Variants in NEGR1 observed in about 807,000 individuals in gnomAD.
The protein encoded by NEGR1 is IgLON family member 4.
NEGR1 carries 10 observed loss-of-function variants against 40.9 expected under a neutral mutation model. That is an observed-to-expected ratio of 0.24 (90% confidence interval 0.15 to 0.42). The LOEUF is 0.42. NEGR1 is among the 10% of genes least tolerant of loss of function. NEGR1 has a pLI of 1.00. For missense variants in NEGR1, 352 were observed against 438.9 expected (o/e 0.80, Z 1.77); for synonymous variants, 185 against 166.8 (o/e 1.11, Z -0.84).
Position 71,935,075 on chromosome 1 carries a change from A to G in NEGR1, c.409+4T>C. The G allele has an allele frequency of 1.9e-6, 3 of 1,565,176 alleles. No homozygotes were observed. Among genetic ancestry groups the G allele is most frequent in the South Asian group, 2.2e-5 (2 of 89,988 alleles). On this transcript the variant is annotated splice_donor_region_variant and intron_variant, in intron 2 of 6. Coordinates refer to ENST00000357731, the MANE Select transcript of NEGR1 (RefSeq NM_173808.3). ...CACAATATAGCAGTTCTGAAAATACATACCTTGCACAGTTAGATGCACCTG... is the reference window on the plus strand; with the variant it reads ...CACAATATAGCAGTTCTGAAAATACGTACCTTGCACAGTTAGATGCACCTG...
intron 4 of NEGR1, among the ~76,000 whole-genome samples, chr1:71,680,528 T>C (rs979253760): frequency 2.6e-5 from 4 of 152,118 alleles, no homozygotes; most frequent in African/African-American, 4.8e-5. Flanking sequence ...CCTCAGAAGT[T>C]TGTCCAATCT....
chr1:71,990,263 C>T (rs981884565), intron 1 of NEGR1, among the ~76,000 whole-genome samples: 15 of 152,138 alleles, frequency 9.9e-5, no homozygotes, highest in African/African-American at 1.7e-4. Context: ...CTCCCCAGAA[C>T]GCTTCAAGTT....
chr1:71,749,155 T>C (rs1185277044), intron 3 of NEGR1, among the ~76,000 whole-genome samples: 1 of 152,202 alleles, frequency 6.6e-6, no homozygotes, highest in African/African-American at 2.4e-5. Flanking sequence ...AATGTTCTGA[T>C]GCAATATGGA....
chr1:71,973,641 C>A (rs1188515402), intron 1 of NEGR1, among the ~76,000 whole-genome samples: 1 of 152,128 alleles, frequency 6.6e-6, no homozygotes, highest in Non-Finnish European at 1.5e-5. Context: ...AAAATTATAT[C>A]ATCTCTTTTT....
intron 2 of NEGR1, among the ~76,000 whole-genome samples, chr1:71,845,552 A>G (rs908111576): frequency 3.3e-5 from 5 of 152,156 alleles, no homozygotes; most frequent in Admixed American, 3.3e-4. Flanking sequence ...TTTATTGAGC[A>G]CTGACTATCA....
intron 1 of NEGR1, among the ~76,000 whole-genome samples, chr1:72,085,807 T>C (rs561488235): frequency 1.3e-5 from 2 of 151,678 alleles, no homozygotes; most frequent in African/African-American, 4.8e-5. Flanking sequence ...CTGTCTCTAC[T>C]AAAAATATAA....
At chr1:71,771,716 A>AAAAAT (rs1656333065) in intron 3 of NEGR1, among the ~76,000 whole-genome samples, 1 of 149,950 alleles carries the variant, frequency 6.7e-6, no homozygotes, top group Non-Finnish European at 1.5e-5. Context: ...AAAAAAAAAA[A>AAAAAT]AAAAAAGGTG....
At chr1:71,721,260 T>C (rs1283521900) in intron 3 of NEGR1, among the ~76,000 whole-genome samples, 1 of 152,148 alleles carries the variant, frequency 6.6e-6, no homozygotes, top group Non-Finnish European at 1.5e-5. Flanking sequence ...TCTCAAATCA[T>C]ACTCTGGGGA....
At chr1:72,245,585 T>C (rs1427407153) in intron 1 of NEGR1, among the ~76,000 whole-genome samples, 1 of 152,156 alleles carries the variant, frequency 6.6e-6, no homozygotes, top group Non-Finnish European at 1.5e-5. Flanking sequence ...TCACATCATT[T>C]CAAACTAATA....
intron 1 of NEGR1, among the ~76,000 whole-genome samples, chr1:72,012,382 AT>A (rs538328806): frequency 3.5e-4 from 53 of 152,044 alleles, no homozygotes; most frequent in Non-Finnish European, 7.1e-4. Context: ...TCAGAAAGAT[AT>A]TATAAAAGTG....
chr1:71,825,077 A>C (rs1658572587), intron 2 of NEGR1, among the ~76,000 whole-genome samples: 1 of 151,936 alleles, frequency 6.6e-6, no homozygotes, highest in South Asian at 2.1e-4. Context: ...CTACCAAACT[A>C]TTCTCCAAAA....
chr1:71,688,013 T>G (rs1384017257), intron 4 of NEGR1, among the ~76,000 whole-genome samples: 1 of 151,986 alleles, frequency 6.6e-6, no homozygotes, highest in Non-Finnish European at 1.5e-5. Context: ...GTGTGCATAT[T>G]TTATATTTAT....
At chr1:71,572,905 T>C (rs1648851588) in intron 6 of NEGR1, among the ~76,000 whole-genome samples, 1 of 152,192 alleles carries the variant, frequency 6.6e-6, no homozygotes, top group Non-Finnish European at 1.5e-5. Context: ...GGCTTCCTAA[T>C]ATCATCTTGA....
chr1:71,966,184 C>A (rs1646207952), intron 1 of NEGR1, among the ~76,000 whole-genome samples: 1 of 152,144 alleles, frequency 6.6e-6, no homozygotes, highest in Non-Finnish European at 1.5e-5. Context: ...AAAATAACTG[C>A]AGCTCAGATT....
intron 1 of NEGR1, among the ~76,000 whole-genome samples, chr1:72,069,213 C>T (rs552642440): frequency 6.6e-6 from 1 of 152,040 alleles, no homozygotes; most frequent in South Asian, 2.1e-4. Context: ...AGTTCAAGAC[C>T]AGCCTGGGCA....
chr1:72,041,964 ATATAAATATATAATAC>A (rs1473987130), intron 1 of NEGR1, among the ~76,000 whole-genome samples: 5 of 144,800 alleles, frequency 3.5e-5, no homozygotes, highest in African/African-American at 1.3e-4. Context: ...TATATATTAT[ATATAAATATATAATAC>A]ATATTTGAGA....
intron 1 of NEGR1, among the ~76,000 whole-genome samples, chr1:72,232,675 T>C (rs575088327): frequency 1.2e-4 from 19 of 152,192 alleles, no homozygotes; most frequent in African/African-American, 4.6e-4. Context: ...TTATCAAGTG[T>C]TTTTTTGTTT....
At chr1:72,151,658 A>G (rs1651129268) in intron 1 of NEGR1, among the ~76,000 whole-genome samples, 1 of 151,914 alleles carries the variant, frequency 6.6e-6, no homozygotes, top group South Asian at 2.1e-4. Context: ...AACGGGAAAT[A>G]TAATAATTGT....
intron 1 of NEGR1, among the ~76,000 whole-genome samples, chr1:72,075,192 T>C (rs11209905): frequency 0.38 from 58,251 of 152,000 alleles, 12,136 homozygotes; most frequent in East Asian, 0.6. Flanking sequence ...TAAATATTTA[T>C]GTTTACAAGT....
Sources: allele counts gnomAD v4.1 joint callset (sites outside exome capture counted in the v4.1 genomes callset), GRCh38; gene constraint gnomAD v4.1.1; transcripts MANE v1.5; gene names NCBI Gene and HGNC (gene_info 2026-07-23, HGNC 2026-07-21).